Variants in ZNF568 observed in about 807,000 individuals in gnomAD.
The protein encoded by ZNF568 is p53 inhibitor of SCO2 activation.
In ZNF568, 11 loss-of-function variants were observed where a neutral mutation model predicts 18.1. The ratio of observed to expected loss-of-function variants is 0.61; its 90% CI spans 0.38 to 1.00. The LOEUF is 1.00. Among genes scored for constraint, ZNF568 ranks in the 50% least tolerant of loss-of-function variants. The pLI is 0.01. For synonymous variants in ZNF568, 213 were observed against 246.6 expected, an observed-to-expected ratio of 0.86 and a Z score of 1.28; for missense variants, 639 against 768.2, an observed-to-expected ratio of 0.83 and a Z score of 1.99.
chr19:36,992,857 C>T (rs2074437988), intron 4 of ZNF568, among the ~76,000 whole-genome samples: 1 of 152,166 alleles, frequency 6.6e-6, no homozygotes, highest in African/African-American at 2.4e-5. Context: ...CATAGATGTG[C>T]CTGTTCTGGA....
chr19:36,932,301 A>G (rs2073700534), intron 4 of ZNF568, among the ~76,000 whole-genome samples: 1 of 152,166 alleles, frequency 6.6e-6, no homozygotes, highest in South Asian at 2.1e-4. Context: ...GAATTGCCCC[A>G]CTGTTAGCCG....
chr19:36,922,845 A>G lies in ZNF568; in HGVS notation c.75A>G (p.Lys25=). ...MERLSHMMER[K]AWCSQESALS... is the part of the protein sequence containing the mutation. Reference sequence around the variant, plus strand: ...GTTTGAGCCACATGATGGAAAGGAAAGGTGAGGTGGCTCATAGGTGGACAG... The same window carrying G: ...GTTTGAGCCACATGATGGAAAGGAAGGGTGAGGTGGCTCATAGGTGGACAG... The change falls in exon 3 of 7, where the codon AAA becomes AAG. Residue 25 remains lysine, a splice_region_variant and synonymous_variant. Coordinates refer to ENST00000333987, the MANE Select transcript of ZNF568 (RefSeq NM_198539.4). 1 of 1,613,918 alleles carries G rather than the reference A, an allele frequency of 6.2e-7. No homozygotes were observed. Among genetic ancestry groups the G allele is most frequent in the Non-Finnish European group, 8.5e-7 (1 of 1,179,864 alleles).
At position 36,949,849 on chromosome 19, in the gene ZNF568, T is replaced by C. The variant is rs961487468; in HGVS notation, c.696T>C (p.Ser232=). The change falls in exon 7 of 7, where the codon AGT becomes AGC. Residue 232 remains serine, a synonymous_variant. Transcript: ENST00000333987. ...FKCNQCGQDF[S]HKFDLIRHER... The stretch of plus-strand genomic sequence containing the variant: ...GTAATCAGTGTGGACAAGACTTCAG[T>C]CATAAATTTGACCTCATTAGACATG... 6.2e-7 allele frequency: 1 copy of C among 1,614,036 alleles called. No individual in the cohort carries two copies. Among genetic ancestry groups the C allele is most frequent in the Non-Finnish European group, 8.5e-7 (1 of 1,179,962 alleles).
intron 4 of ZNF568, among the ~76,000 whole-genome samples, chr19:36,993,456 C>T (rs1405765715): frequency 6.6e-6 from 1 of 152,028 alleles, no homozygotes; most frequent in Non-Finnish European, 1.5e-5. Flanking sequence ...CGTCTTCTGT[C>T]TTTTTGAAGT....
chr19:36,958,579 A>G (rs1401706639), intron 6 of ZNF568, among the ~76,000 whole-genome samples: 1 of 141,582 alleles, frequency 7.1e-6, no homozygotes. Flanking sequence ...ATTCTTGTTC[A>G]TAATATTCTT....
intron 6 of ZNF568, among the ~76,000 whole-genome samples, chr19:36,971,625 C>T (rs1017247432): frequency 5.3e-5 from 8 of 151,964 alleles, no homozygotes; most frequent in Non-Finnish European, 8.8e-5. Flanking sequence ...CTTTTTGAGA[C>T]GCAGTCTCGC....
intron 6 of ZNF568, among the ~76,000 whole-genome samples, chr19:36,973,968 T>A (rs1463586817): frequency 2.0e-5 from 3 of 152,130 alleles, no homozygotes; most frequent in African/African-American, 4.8e-5. Context: ...TGGTGTGTGT[T>A]GAGGGTGGAA....
intron 6 of ZNF568, among the ~76,000 whole-genome samples, chr19:36,974,043 A>T (rs553225666): frequency 1.8e-4 from 28 of 152,280 alleles, no homozygotes; most frequent in African/African-American, 6.7e-4. Flanking sequence ...TTCACCCAGT[A>T]GCCACCAGGG....
chr19:36,923,696 G>A (rs977167262), intron 3 of ZNF568, among the ~76,000 whole-genome samples: 1 of 151,466 alleles, frequency 6.6e-6, no homozygotes, highest in Non-Finnish European at 1.5e-5. Context: ...TGCCATGTTG[G>A]GTGAAAGAAA....
intron 6 of ZNF568, among the ~76,000 whole-genome samples, chr19:36,938,198 G>A (rs1222691220): frequency 2.0e-5 from 3 of 152,092 alleles, no homozygotes; most frequent in Non-Finnish European, 4.4e-5. Flanking sequence ...ATCTACTTCT[G>A]TGTCCTTTAG....
intron 3 of ZNF568, chr19:36,991,398 C>T (rs1644680): frequency 1.5e-6 from 2 of 1,366,654 alleles, no homozygotes; most frequent in Non-Finnish European, 1.9e-6. Flanking sequence ...GTCCCAAGTG[C>T]TTTTCAAGTA....
intron 6 of ZNF568, among the ~76,000 whole-genome samples, chr19:36,965,969 G>A (rs2074191621): frequency 6.6e-6 from 1 of 151,802 alleles, no homozygotes; most frequent in Non-Finnish European, 1.5e-5. Flanking sequence ...CAAAGTGCTG[G>A]GATTACAGGC....
Position 36,952,041 on chromosome 19 carries a change from T to A in ZNF568, c.*953T>A. 2.3e-6 allele frequency: 2 copies of A among 870,364 alleles called. No individual in the cohort carries two copies. Among genetic ancestry groups the A allele is most frequent in the Non-Finnish European group, 2.7e-6 (2 of 733,830 alleles). 53.9% of individuals were successfully genotyped at this position (870,364 alleles called of 1,614,324 possible). On this transcript the variant is annotated 3_prime_UTR_variant, in exon 7 of 7. Transcript: ENST00000333987. ...CTATGACGTTGAGGCCAAGGAGCTT[T>A]TTTTTTTTTTTTTTCAAGACAAAAG... is the stretch of plus-strand genomic sequence containing the variant.
At chr19:36,980,192 G>A (rs1600850614), downstream of ZNF568, 2 of 151,922 alleles carry the variant, frequency 1.3e-5, no homozygotes, top group Admixed American at 1.3e-4. Flanking sequence ...TTTAAATGAT[G>A]GTAGATATTC....
At chr19:36,996,431 A>T in exon 5 of ZNF568, 1 of 1,536,470 alleles carries the variant, frequency 6.5e-7, no homozygotes, top group Non-Finnish European at 8.7e-7. Flanking sequence ...TGCCAGGTGG[A>T]GAGACAACAG....
intron 6 of ZNF568, among the ~76,000 whole-genome samples, chr19:36,969,448 A>G (rs148733465): frequency 6.6e-6 from 1 of 152,268 alleles, no homozygotes; most frequent in East Asian, 1.9e-4. Flanking sequence ...TTTTTGATGA[A>G]TGACAGGTCA....
chr19:36,942,322 G>T (rs542183741), intron 6 of ZNF568, among the ~76,000 whole-genome samples: 1 of 151,846 alleles, frequency 6.6e-6, no homozygotes, highest in African/African-American at 2.4e-5. Context: ...TAAAGGAGCT[G>T]GTCGCGGCAG....
chr19:36,949,131 T>C (rs2074015264), intron 6 of ZNF568, among the ~76,000 whole-genome samples: 1 of 152,204 alleles, frequency 6.6e-6, no homozygotes, highest in African/African-American at 2.4e-5. Flanking sequence ...GAAAAATACA[T>C]GCATTCAAGC....
At chr19:36,918,431 T>C (rs902927623) in intron 2 of ZNF568, among the ~76,000 whole-genome samples, 3 of 152,140 alleles carry the variant, frequency 2.0e-5, no homozygotes, top group Non-Finnish European at 4.4e-5. Context: ...TAATATAATG[T>C]AAATGCTGTG....
Sources: gnomAD v4.1 joint callset for allele counts (sites outside exome capture counted in the v4.1 genomes callset) on GRCh38, gnomAD v4.1.1 for gene constraint, MANE v1.5 for transcripts, NCBI Gene and HGNC (gene_info 2026-07-23, HGNC 2026-07-21) for gene names.